The following NCS1 variants were observed in gnomAD, a reference collection of about 807,000 sequenced individuals.
NCS1 encodes the protein neuronal calcium sensor 1.
In NCS1, 6 loss-of-function variants were observed where a neutral mutation model predicts 28.4. The observed-to-expected ratio is 0.21, with a 90% CI of 0.12 to 0.42. The LOEUF is 0.42. NCS1 is among the 10% of genes least tolerant of loss of function. The probability of loss-of-function intolerance (pLI) is 1.00; values close to 1 mark genes in which losing one functional copy is unlikely to be tolerated. For missense variants in NCS1, 131 were observed against 241.4 expected (o/e 0.54, Z 3.03); for synonymous variants, 86 against 99.3 (o/e 0.87, Z 0.79).
At chr9:130,202,351 C>G (rs527300713) in intron 2 of NCS1, among the ~76,000 whole-genome samples, 2 of 139,152 alleles carry the variant, frequency 1.4e-5, no homozygotes, top group African/African-American at 2.6e-5. Context: ...GCCCCTCCCC[C>G]CCACCCCCTG....
rs1004086329 is a variant in NCS1 at position 130,235,723 on chromosome 9, C to T, written c.*2751C>T. ...GCCTGGCAGGGACCGATCTCTGCCC[C>T]CTCCTCTCCCCAGGCCTCTGGCTGC... On this transcript the variant is annotated 3_prime_UTR_variant, in exon 8 of 8. Coordinates refer to ENST00000372398, the MANE Select transcript of NCS1 (RefSeq NM_014286.4). 1.3e-5 allele frequency: 2 copies of T among 152,650 alleles called. No individual in the cohort carries two copies. Among genetic ancestry groups the T allele is most frequent in the Non-Finnish European group, 2.9e-5 (2 of 68,356 alleles). The allele number at this position is 152,650 out of a possible 1,614,324, so 9.5% of individuals were successfully genotyped here. A position where few individuals can be genotyped will look rare whatever the true frequency, so the allele number is the denominator to read the frequency against.
At chr9:130,178,510 C>G (rs1459516805) in intron 1 of NCS1, among the ~76,000 whole-genome samples, 1 of 152,196 alleles carries the variant, frequency 6.6e-6, no homozygotes, top group Non-Finnish European at 1.5e-5. Flanking sequence ...CTGTCTTAAA[C>G]CCCTTTGGGG....
chr9:130,209,668 G>A lies in NCS1; in HGVS notation c.90-8164G>A, dbSNP rs782408312. ...TGGGAGGTGTGGGAGGAGACCCAGCGCTGGCGTGGGAACTGTTTTGCAAGT... is the reference window on the plus strand; with the variant it reads ...TGGGAGGTGTGGGAGGAGACCCAGCACTGGCGTGGGAACTGTTTTGCAAGT... On this transcript the variant is annotated intron_variant, in intron 2 of 7. Coordinates refer to ENST00000372398, the MANE Select transcript of NCS1 (RefSeq NM_014286.4). The surrounding 1 kb of genome is among the most constrained non-coding windows in gnomAD (Gnocchi z 4.4). 2.0e-5 allele frequency among the ~76,000 whole-genome samples: 3 copies of A among 152,218 alleles called. No homozygotes were observed. Among genetic ancestry groups the A allele is most frequent in the Admixed American group, 6.5e-5 (1 of 15,284 alleles).
chr9:130,192,837 C>T lies in NCS1; in HGVS notation c.65-8121C>T, dbSNP rs1220357040. ...CCCAGCCCTCGAGTGTAGCAGGACCCCAGTGGGAACCCCACAGGTGTTTCA... is the reference window on the plus strand; with the variant it reads ...CCCAGCCCTCGAGTGTAGCAGGACCTCAGTGGGAACCCCACAGGTGTTTCA... On this transcript the variant is annotated intron_variant, in intron 1 of 7. Transcript: ENST00000372398. The surrounding 1 kb of genome is among the most constrained non-coding windows in gnomAD (Gnocchi z 4.8). Among the ~76,000 whole-genome samples, 2 of 152,150 alleles carry T rather than the reference C, an allele frequency of 1.3e-5. No homozygotes were observed. The highest frequency in any genetic ancestry group is 2.4e-5 in the African/African-American group (1 of 41,438).
chr9:130,224,545 T>G, intron 6 of NCS1, among the ~76,000 whole-genome samples: 2 of 143,476 alleles, frequency 1.4e-5, no homozygotes, highest in African/African-American at 5.3e-5. Flanking sequence ...GCAATAAGAG[T>G]GAGACTGTCT....
At position 130,215,175 on chromosome 9, in the gene NCS1, A is replaced by G. The variant is rs1384953084; in HGVS notation, c.90-2657A>G. Among the ~76,000 whole-genome samples the G allele has an allele frequency of 3.9e-5, 6 of 152,242 alleles. No individual in the cohort carries two copies. Among genetic ancestry groups the G allele is most frequent in the African/African-American group, 1.2e-4 (5 of 41,462 alleles). ...TGGTGACAGTTGGGTGTGCCCCCAC[A>G]TGGGTCATTAAGTCCTGGTGCCAGG... On this transcript the variant is annotated intron_variant, in intron 2 of 7. Transcript: ENST00000372398. This position sits in a 1 kb window ranked among gnomAD's most constrained non-coding sequence, Gnocchi z 4.2.
rs150854124 is a variant in NCS1, at chr9:130,214,571, C to A, written c.90-3261C>A. ...GACGAGGACTCACACGTGAAGCGAA[C>A]TGGGGAGGAGGCACTTGATCAGATA... On this transcript the variant is annotated intron_variant, in intron 2 of 7. Transcript: ENST00000372398. Among the ~76,000 whole-genome samples the A allele has an allele frequency of 4.7e-3, 708 of 152,154 alleles. 3 individuals are homozygous for A. Among genetic ancestry groups the A allele is most frequent in the Middle Eastern group, 0.014 (4 of 294 alleles).
chr9:130,223,266 T>C (rs1833364973), intron 6 of NCS1, 107 bp downstream of exon 6: 11 of 1,011,842 alleles, frequency 1.1e-5, no homozygotes, highest in Middle Eastern at 2.6e-4. Context: ...ACCTCCTCCA[T>C]GGCTCACGGC....
At chr9:130,173,853 C>T (rs3824542) in intron 1 of NCS1, among the ~76,000 whole-genome samples, 43,619 of 152,126 alleles carry the variant, frequency 0.29, 7,349 homozygotes, top group East Asian at 0.68. Context: ...ACTCCATCGG[C>T]CTTCTGGGCA....
At chr9:130,222,125 T>TAC (rs1564714075) in intron 4 of NCS1, among the ~76,000 whole-genome samples, 1 of 134,282 alleles carries the variant, frequency 7.4e-6, no homozygotes, top group African/African-American at 2.9e-5. Flanking sequence ...TATATATATA[T>TAC]GTGTATATAT....
intron 3 of NCS1, among the ~76,000 whole-genome samples, chr9:130,218,503 A>T (rs1277724744): frequency 6.6e-6 from 1 of 152,256 alleles, no homozygotes; most frequent in African/African-American, 2.4e-5. Context: ...TCTTACAAGC[A>T]TAAAATGCAA....
rs1748548002 is a variant in NCS1, at chr9:130,175,700, G to GC, written c.64+2973_64+2974insC. 6.6e-6 allele frequency among the ~76,000 whole-genome samples: 1 copy of GC among 152,224 alleles called. No homozygotes were observed. Among genetic ancestry groups the GC allele is most frequent in the African/African-American group, 2.4e-5 (1 of 41,454 alleles). ...GGTGGTCTGTGTGTGTGAGGAAGCA[G>GC]GAGTGTCTAAAGGCCCCAGCAGTGT... On this transcript the variant is annotated intron_variant, in intron 1 of 7. Coordinates refer to ENST00000372398, the MANE Select transcript of NCS1 (RefSeq NM_014286.4). The surrounding 1 kb of genome is among the most constrained non-coding windows in gnomAD (Gnocchi z 4.9).
intron 5 of NCS1, 113 bp downstream of exon 5, chr9:130,222,851 G>A: frequency 8.5e-7 from 1 of 1,170,496 alleles, no homozygotes; most frequent in Non-Finnish European, 1.3e-6. Context: ...TGGAAGCAGG[G>A]GTCACTGGCT....
At chr9:130,193,076 G>A (rs1038142721) in intron 1 of NCS1, among the ~76,000 whole-genome samples, 5 of 152,212 alleles carry the variant, frequency 3.3e-5, no homozygotes, top group African/African-American at 4.8e-5. Context: ...GGGTGGGCCC[G>A]GTGTGGGGGC....
At chr9:130,218,078 A>G in intron 3 of NCS1, 108 bp downstream of exon 3, 1 of 1,426,784 alleles carries the variant, frequency 7.0e-7, no homozygotes, top group Non-Finnish European at 9.8e-7. Flanking sequence ...TAGAGAAGGA[A>G]CACACACACG....
chr9:130,173,199 T>TTG (rs1554904281), intron 1 of NCS1, among the ~76,000 whole-genome samples: 1 of 119,790 alleles, frequency 8.3e-6, no homozygotes, highest in African/African-American at 3.3e-5. Context: ...CCCGTTCGTG[T>TTG]GGGGGGGGGG....
At chr9:130,197,859 A>G (rs1352976508) in intron 1 of NCS1, among the ~76,000 whole-genome samples, 1 of 151,242 alleles carries the variant, frequency 6.6e-6, no homozygotes, top group Non-Finnish European at 1.5e-5. Flanking sequence ...GCTACTTGGG[A>G]GGCTGAGGCA....
chr9:130,172,622 A>G lies in NCS1; in HGVS notation c.-42A>G, dbSNP rs1554904166. On this transcript the variant is annotated 5_prime_UTR_variant, in exon 1 of 8. Transcript: ENST00000372398. The stretch of plus-strand genomic sequence containing the variant: ...CCAGCCGCTCCTGCTGGGCGCCCCA[A>G]CCGGGTCCGGCCCGGGGGGGCGGGG... The G allele has an allele frequency of 8.5e-6, 11 of 1,288,394 alleles. No homozygotes were observed. The highest frequency in any genetic ancestry group is 1.6e-5 in the African/African-American group (1 of 61,264). The allele number at this position is 1,288,394 out of a possible 1,614,324, so 79.8% of individuals were successfully genotyped here. A position where few individuals can be genotyped will look rare whatever the true frequency, so the allele number is the denominator to read the frequency against.
At chr9:130,182,677 G>A (rs544495740) in intron 1 of NCS1, among the ~76,000 whole-genome samples, 4 of 152,318 alleles carry the variant, frequency 2.6e-5, no homozygotes, top group East Asian at 1.9e-4. Flanking sequence ...GGTGCTGACC[G>A]TGTGTGGGCG....
Sources: gnomAD v4.1 joint callset for allele counts (sites outside exome capture counted in the v4.1 genomes callset) on GRCh38, gnomAD v4.1.1 for gene constraint, Gnocchi (gnomAD v3.1) non-coding constraint, MANE v1.5 for transcripts, NCBI Gene and HGNC (gene_info 2026-07-23, HGNC 2026-07-21) for gene names.